Variants in TFCP2 observed in about 807,000 individuals in gnomAD.
TFCP2 encodes the protein transcription factor CP2, also known as alpha-globin transcription factor CP2.
TFCP2 carries 33 observed loss-of-function variants against 73.4 expected under a neutral mutation model. That is an observed-to-expected ratio of 0.45 (90% CI 0.34 to 0.60). The LOEUF is 0.60. Ranked by LOEUF, TFCP2 falls within the 20% of genes least tolerant of loss-of-function variation. The pLI is 0.01. For missense variants in TFCP2, 352 were observed against 604.0 expected (o/e 0.58, Z 4.37); for synonymous variants, 193 against 211.6 (o/e 0.91, Z 0.76).
intron 12 of TFCP2, among the ~76,000 whole-genome samples, chr12:51,099,414 G>A (rs1940050752): frequency 6.6e-6 from 1 of 151,714 alleles, no homozygotes; most frequent in Admixed American, 6.6e-5. Context: ...GGTGGTCAAG[G>A]CTGCAATGAG....
At chr12:51,140,603 A>C (rs1178600621) in intron 1 of TFCP2, among the ~76,000 whole-genome samples, 1 of 149,938 alleles carries the variant, frequency 6.7e-6, no homozygotes, top group African/African-American at 2.5e-5. Context: ...TCTTTCCTTC[A>C]TTTTTTAGAG....
Position 51,109,101 on chromosome 12 carries a change from A to G in TFCP2, c.717+20T>C. On this transcript the variant is annotated intron_variant, in intron 6 of 14. Coordinates refer to ENST00000257915, the MANE Select transcript of TFCP2 (RefSeq NM_005653.5). ...GATAAGGTAAAAGAATCCAAGGGCC[A>G]GCACATTGCCCAGGAATACCTTGAA... 1 of 1,613,008 alleles carries G rather than the reference A, an allele frequency of 6.2e-7. No individual in the cohort carries two copies. Among genetic ancestry groups the G allele is most frequent in the Non-Finnish European group, 8.5e-7 (1 of 1,179,154 alleles).
chr12:51,094,956 C>T lies in TFCP2; in HGVS notation c.*285G>A. On this transcript the variant is annotated 3_prime_UTR_variant, in exon 15 of 15. Transcript: ENST00000257915. ...CCATCATCATTATGCCCTACATACA[C>T]TCTAAATTATGTAGAGTTTCTACTG... 2.2e-6 allele frequency: 1 copy of T among 452,030 alleles called. No individual in the cohort carries two copies. The highest frequency in any genetic ancestry group is 4.0e-6 in the Non-Finnish European group (1 of 250,260). 28.0% of individuals were successfully genotyped at this position (452,030 alleles called of 1,614,324 possible).
At chr12:51,151,721 C>G (rs933552144) in intron 1 of TFCP2, among the ~76,000 whole-genome samples, 4 of 152,294 alleles carry the variant, frequency 2.6e-5, no homozygotes, top group Middle Eastern at 3.4e-3. Flanking sequence ...CAGGCGTGAG[C>G]CACCACGCCC....
intron 1 of TFCP2, among the ~76,000 whole-genome samples, chr12:51,136,999 G>C (rs1002856129): frequency 6.6e-6 from 1 of 152,088 alleles, no homozygotes; most frequent in Non-Finnish European, 1.5e-5. Context: ...TGCTGTCCCT[G>C]AGAGAGATAC....
chr12:51,128,532 T>C (rs190751849), intron 1 of TFCP2, among the ~76,000 whole-genome samples: 4 of 149,580 alleles, frequency 2.7e-5, no homozygotes, highest in Admixed American at 6.7e-5. Flanking sequence ...CTAGAAACCA[T>C]AACCAAACTC....
chr12:51,108,149 G>T (rs560441677), intron 6 of TFCP2, among the ~76,000 whole-genome samples: 5 of 151,732 alleles, frequency 3.3e-5, no homozygotes, highest in Admixed American at 1.3e-4. Context: ...AGCTGGGCAT[G>T]GTGGTGTGTG....
At chr12:51,162,456 AAAAAG>A (rs1351799671) in intron 1 of TFCP2, among the ~76,000 whole-genome samples, 2 of 151,906 alleles carry the variant, frequency 1.3e-5, no homozygotes, top group Admixed American at 6.6e-5. Flanking sequence ...AAAAAAAAAA[AAAAAG>A]AAAAGAAAAA....
chr12:51,164,674 T>C (rs1188995266), intron 1 of TFCP2, among the ~76,000 whole-genome samples: 1 of 143,756 alleles, frequency 7.0e-6, no homozygotes, highest in East Asian at 2.0e-4. Context: ...GAAATGAAAA[T>C]AAATAAAATC....
At chr12:51,127,873 T>C (rs1359603146) in intron 1 of TFCP2, among the ~76,000 whole-genome samples, 1 of 152,014 alleles carries the variant, frequency 6.6e-6, no homozygotes, top group East Asian at 1.9e-4. Context: ...ATGATTCTAA[T>C]AATCCCAAAT....
At position 51,114,614 on chromosome 12, in the gene TFCP2, T is replaced by C. The variant is rs7970259; in HGVS notation, c.457+1701A>G. ...AGGGAGACTCCATCTCAAAAATAAA[T>C]AAATAAATAAATAAAAATAAAGAAA... On this transcript the variant is annotated intron_variant, in intron 4 of 14. Coordinates refer to ENST00000257915, the MANE Select transcript of TFCP2 (RefSeq NM_005653.5). Among the ~76,000 whole-genome samples, 349 of 149,982 alleles carry C rather than the reference T, an allele frequency of 2.3e-3. 1 individual carries two copies. Among genetic ancestry groups the C allele is most frequent in the African/African-American group, 8.1e-3 (330 of 40,740 alleles).
intron 11 of TFCP2, among the ~76,000 whole-genome samples, chr12:51,100,512 T>A (rs1311553083): frequency 6.6e-6 from 1 of 152,206 alleles, no homozygotes; most frequent in Non-Finnish European, 1.5e-5. Context: ...ACATCCCTTA[T>A]GATGTAGACA....
At chr12:51,095,509 A>T (rs1453644712) in intron 14 of TFCP2, among the ~76,000 whole-genome samples, 5 of 152,016 alleles carry the variant, frequency 3.3e-5, no homozygotes, top group Admixed American at 6.6e-5. Context: ...GTAATGGAAG[A>T]TGGAAGAGAA....
At chr12:51,129,406 A>G (rs556919627) in intron 1 of TFCP2, among the ~76,000 whole-genome samples, 80 of 151,648 alleles carry the variant, frequency 5.3e-4, no homozygotes, top group Non-Finnish European at 1.0e-3. Flanking sequence ...CCAGCTACTC[A>G]GGAGGCTCAG....
At chr12:51,156,628 T>C (rs1440269056) in intron 1 of TFCP2, among the ~76,000 whole-genome samples, 1 of 146,930 alleles carries the variant, frequency 6.8e-6, no homozygotes, top group African/African-American at 2.4e-5. Flanking sequence ...CTGAGATGGA[T>C]TGGTGTTAGT....
intron 1 of TFCP2, among the ~76,000 whole-genome samples, chr12:51,169,063 A>G (rs978157667): frequency 4.6e-5 from 7 of 151,874 alleles, no homozygotes; most frequent in Admixed American, 1.3e-4. Context: ...CAGTCTCCCA[A>G]AGTGTTTGGA....
chr12:51,150,808 A>G (rs1436126728), intron 1 of TFCP2, among the ~76,000 whole-genome samples: 2 of 152,272 alleles, frequency 1.3e-5, no homozygotes, highest in South Asian at 2.1e-4. Context: ...AAATGGAGAT[A>G]GTGAATTCAT....
chr12:51,117,895 C>T (rs1280398058), intron 2 of TFCP2, 148 bp from the exon 3 acceptor site: 2 of 578,816 alleles, frequency 3.5e-6, no homozygotes, highest in Non-Finnish European at 3.0e-6. Context: ...ACAAGATGCT[C>T]AGCACTGTGC....
chr12:51,151,911 C>G (rs2137030748), intron 1 of TFCP2, among the ~76,000 whole-genome samples: 1 of 152,242 alleles, frequency 6.6e-6, no homozygotes, highest in African/African-American at 2.4e-5. Context: ...AAAGCTCTTT[C>G]TTACAGTAGA....
Sources: allele counts gnomAD v4.1 joint callset (sites outside exome capture counted in the v4.1 genomes callset), GRCh38; gene constraint gnomAD v4.1.1; transcripts MANE v1.5; gene names NCBI Gene and HGNC (gene_info 2026-07-23, HGNC 2026-07-21).